STX10: variants seen among roughly 807,000 people sequenced by gnomAD.
The protein encoded by STX10 is syntaxin 10, also known as syntaxin-10.
STX10 carries 35 observed loss-of-function variants against 34.1 expected under a neutral mutation model. The observed-to-expected ratio is 1.03, with a 90% CI of 0.78 to 1.36. The LOEUF is 1.36. STX10 is among the 40% of genes most tolerant of loss of function. The probability of loss-of-function intolerance (pLI) is 0.00; values close to 1 mark genes in which losing one functional copy is unlikely to be tolerated. For missense variants in STX10, 361 were observed against 335.5 expected, an observed-to-expected ratio of 1.08 and a Z score of -0.59; for synonymous variants, 155 against 132.9, an observed-to-expected ratio of 1.17 and a Z score of -1.15.
In STX10 at chr19:13,149,764, T is replaced by C. The variant is rs771644647; in HGVS notation, c.169A>G (p.Ile57Val). 3 of 1,614,168 alleles carry C rather than the reference T, an allele frequency of 1.9e-6. No individual in the cohort carries two copies. In the Admixed American group the frequency reaches 5.0e-5, roughly 27 times the overall value. The change falls in exon 2 of 8, where the codon ATC (isoleucine) becomes GTC (valine). Residue 57 changes from isoleucine to valine, a missense_variant. Physicochemically the swap from Ile to Val is conservative, Grantham distance 29. Coordinates refer to ENST00000587230, the MANE Select transcript of STX10 (RefSeq NM_003765.3). ...TNELRNGLRSIEWDLEDLEET... is the reference protein window; with the variant it reads ...TNELRNGLRSVEWDLEDLEET... ...TCCAGGTCCTCGAGGTCCCACTCGA[T>C]GCTGCGCAGGCCATTCCGCAGCTCA...
Position 13,149,846 on chromosome 19 carries a change from G to C in STX10, c.87C>G (p.Cys29Trp). The change falls in exon 2 of 8, where the codon TGC becomes TGG. Residue 29 changes from cysteine to tryptophan, a missense_variant. Coordinates refer to ENST00000587230, the MANE Select transcript of STX10 (RefSeq NM_003765.3). The part of the protein sequence containing the change: ...NTARGLYQRW[C>W]ELLQESAAVG... ...CCGCCGCGCTTTCCTGCAGGAGCTC[G>C]CACCAGCGCTGGTACAGCCCGCGGG... 1 of 1,612,844 alleles carries C rather than the reference G, an allele frequency of 6.2e-7. No homozygotes were observed. The highest frequency in any genetic ancestry group is 8.5e-7 in the Non-Finnish European group (1 of 1,179,778).
At chr19:13,145,130 C>T (rs1462708976) in intron 5 of STX10, among the ~76,000 whole-genome samples, 158 bp downstream of exon 5, 7 of 151,988 alleles carry the variant, frequency 4.6e-5, no homozygotes, top group African/African-American at 9.7e-5. Context: ...ACCTGGGAGG[C>T]GGAGGTTGCA....
chr19:13,149,840 G>A lies in STX10; in HGVS notation c.93C>T (p.Leu31=), dbSNP rs1266923222. The A allele has an allele frequency of 6.2e-7, 1 of 1,613,266 alleles. No homozygotes were observed. The highest frequency in any genetic ancestry group is 8.5e-7 in the Non-Finnish European group (1 of 1,179,890). ...GTCCGACCGCCGCGCTTTCCTGCAG[G>A]AGCTCGCACCAGCGCTGGTACAGCC... ...ARGLYQRWCE[L]LQESAAVGRE... The change falls in exon 2 of 8, where the codon CTC becomes CTT. Residue 31 remains leucine (L), a synonymous_variant. Transcript: ENST00000587230.
rs1304333395 is a variant in STX10, at chr19:13,150,191, C to CA, written c.-19dup. 3 of 985,794 alleles carry CA rather than the reference C, an allele frequency of 3.0e-6. No individual in the cohort carries two copies. In the African/African-American group the frequency reaches 4.8e-5, roughly 16 times the overall value. 61.1% of individuals were successfully genotyped at this position (985,794 alleles called of 1,614,324 possible). A position where few individuals can be genotyped will look rare whatever the true frequency, so the allele number is the denominator to read the frequency against. ...AGAGACATGTCAGTCCCTTCCCCCC[C>CA]AGGCCGAACCCCCCTCCCGGCCTGG... is the stretch of plus-strand genomic sequence containing the variant. On this transcript the variant is annotated 5_prime_UTR_variant, in exon 1 of 8. Coordinates refer to ENST00000587230, the MANE Select transcript of STX10 (RefSeq NM_003765.3). This position sits in a 1 kb window ranked among gnomAD's most constrained non-coding sequence, Gnocchi z 4.0.
chr19:13,147,796 C>G (rs1288667615), intron 4 of STX10, among the ~76,000 whole-genome samples: 1 of 148,768 alleles, frequency 6.7e-6, no homozygotes, highest in Non-Finnish European at 1.5e-5. Flanking sequence ...ACTCGGGAGG[C>G]TGAGACAGAA....
Position 13,144,561 on chromosome 19 carries a change from C to T in STX10, c.673+16G>A. On this transcript the variant is annotated intron_variant, in intron 7 of 7. Transcript: ENST00000587230. ...CTGCCCCCACCAGGACTGACCCCTC[C>T]CCTGAGGGGACTCACCACTCGTCAT... 4 of 1,614,102 alleles carry T rather than the reference C, an allele frequency of 2.5e-6. No individual in the cohort carries two copies. In the South Asian group the frequency reaches 3.3e-5, roughly 13 times the overall value.
At position 13,150,199 on chromosome 19, in the gene STX10, A is replaced by C; in HGVS notation, c.-26T>G. The C allele has an allele frequency of 2.2e-6, 2 of 917,120 alleles. No individual in the cohort carries two copies. Among genetic ancestry groups the C allele is most frequent in the Admixed American group, 2.0e-5 (1 of 50,904 alleles). The allele number at this position is 917,120 out of a possible 1,614,324, so 56.8% of individuals were successfully genotyped here. A position where few individuals can be genotyped will look rare whatever the true frequency, so the allele number is the denominator to read the frequency against. On this transcript the variant is annotated 5_prime_UTR_variant, in exon 1 of 8. Transcript: ENST00000587230. This position sits in a 1 kb window ranked among gnomAD's most constrained non-coding sequence, Gnocchi z 4.0. ...GTCAGTCCCTTCCCCCCCAGGCCGA[A>C]CCCCCCTCCCGGCCTGGGTTCGCGG...
intron 3 of STX10, 56 bp downstream of exon 3, chr19:13,149,443 A>G (rs2019995670): frequency 7.1e-7 from 1 of 1,414,098 alleles, no homozygotes; most frequent in South Asian, 1.3e-5. Context: ...AGAAAGAAAG[A>G]AAAAAAAACA....
intron 3 of STX10, 34 bp from the exon 4 acceptor site, chr19:13,149,125 A>ACTC (rs1238929339): frequency 6.4e-7 from 1 of 1,564,756 alleles, no homozygotes; most frequent in East Asian, 2.4e-5. Context: ...GAGGAAAGAC[A>ACTC]CTCAGGCTGG....
Position 13,144,085 on chromosome 19 carries a change from T to G in STX10, c.*325A>C. 1 of 388,450 alleles carries G rather than the reference T, an allele frequency of 2.6e-6. No homozygotes were observed. The highest frequency in any genetic ancestry group is 4.6e-5 in the South Asian group (1 of 21,576). The allele number at this position is 388,450 out of a possible 1,614,324, so 24.1% of individuals were successfully genotyped here. A position where few individuals can be genotyped will look rare whatever the true frequency, so the allele number is the denominator to read the frequency against. On this transcript the variant is annotated 3_prime_UTR_variant, in exon 8 of 8. Coordinates refer to ENST00000587230, the MANE Select transcript of STX10 (RefSeq NM_003765.3). ...CGTATAAAAAAGGCTGACATTTTAT[T>G]TCCAGGTTGGCACGTGTATAAGGCA...
chr19:13,147,079 A>ACAC (rs2019915849), intron 4 of STX10, among the ~76,000 whole-genome samples: 5 of 145,142 alleles, frequency 3.4e-5, no homozygotes, highest in Non-Finnish European at 6.0e-5. Flanking sequence ...GAAACACAGA[A>ACAC]ACACACACAC....
At chr19:13,149,930 G>A (rs1307054663) in intron 1 of STX10, 33 bp from the exon 2 acceptor site, 3 of 1,533,250 alleles carry the variant, frequency 2.0e-6, no homozygotes, top group Non-Finnish European at 1.8e-6. Context: ...CGCGGCTGGG[G>A]GCAGGCGGTC....
At position 13,149,763 on chromosome 19, in the gene STX10, A is replaced by G. The variant is rs749847739; in HGVS notation, c.170T>C (p.Ile57Thr). Residue 57 changes from isoleucine (I) to threonine (T), a missense_variant, in exon 2 of 8, where the codon ATC becomes ACC. Physicochemically the swap from Ile to Thr is moderately conservative, Grantham distance 89 (BLOSUM62 -1). Transcript: ENST00000587230. ...TNELRNGLRS[I>T]EWDLEDLEET... is the part of the protein sequence containing the mutation. Reference sequence around the variant, plus strand: ...TTCCAGGTCCTCGAGGTCCCACTCGATGCTGCGCAGGCCATTCCGCAGCTC... The same window carrying G: ...TTCCAGGTCCTCGAGGTCCCACTCGGTGCTGCGCAGGCCATTCCGCAGCTC... 48 of 1,614,062 alleles carry G rather than the reference A, an allele frequency of 3.0e-5. No individual in the cohort carries two copies. Among genetic ancestry groups the G allele is most frequent in the Non-Finnish European group, 3.9e-5 (46 of 1,180,008 alleles).
At chr19:13,147,333 C>T (rs1243058597) in intron 4 of STX10, among the ~76,000 whole-genome samples, 1 of 151,842 alleles carries the variant, frequency 6.6e-6, no homozygotes, top group East Asian at 1.9e-4. Flanking sequence ...GGCATGGTGG[C>T]ACACTCCTGT....
At chr19:13,149,431 A>G in intron 3 of STX10, 68 bp downstream of exon 3, 2 of 1,251,590 alleles carry the variant, frequency 1.6e-6, no homozygotes, top group Non-Finnish European at 2.2e-6. Flanking sequence ...AAAAAAAAAG[A>G]AAGAAAGAAA....
intron 4 of STX10, among the ~76,000 whole-genome samples, chr19:13,147,351 G>T (rs2019924076): frequency 6.6e-6 from 1 of 151,952 alleles, no homozygotes; most frequent in East Asian, 1.9e-4. Flanking sequence ...TGTTGTCCCA[G>T]CTACCCAGGA....
At chr19:13,149,426 A>AAAAAGAAAG in intron 3 of STX10, 73 bp downstream of exon 3, 6 of 753,136 alleles carry the variant, frequency 8.0e-6, no homozygotes, top group South Asian at 5.6e-5. Context: ...AAAAAAAAAA[A>AAAAAGAAAG]AAAGAAAGAA....
In STX10 at chr19:13,149,552, C is replaced by A. The variant is rs772270590; in HGVS notation, c.247G>T (p.Gly83Trp). Residue 83 changes from glycine to tryptophan, a missense_variant, in exon 3 of 8, where the codon GGG becomes TGG. Transcript: ENST00000587230. ...ANPGKFKLPAGDLQERKVFVE... is the reference protein window; with the variant it reads ...ANPGKFKLPAWDLQERKVFVE... ...AACACCTTTCTCTCCTGCAGGTCCC[C>A]GGCTGGGAGCTTGAACTTGCCTGGG... 9 of 1,614,134 alleles carry A rather than the reference C, an allele frequency of 5.6e-6. No individual in the cohort carries two copies. Among genetic ancestry groups the A allele is most frequent in the African/African-American group, 1.3e-5 (1 of 75,020 alleles).
chr19:13,144,153 CAG>C lies in STX10; in HGVS notation c.*255_*256del. ...GGGGTCCTGGAACTGGAAATGGAGA[CAG>C]GTGTGTCTCAGGTGTCCCTGCCTCC... On this transcript the variant is annotated 3_prime_UTR_variant, in exon 8 of 8. Coordinates refer to ENST00000587230, the MANE Select transcript of STX10 (RefSeq NM_003765.3). 1.9e-6 allele frequency: 1 copy of C among 536,540 alleles called. No individual in the cohort carries two copies. 33.2% of individuals were successfully genotyped at this position (536,540 alleles called of 1,614,324 possible).
Sources: allele counts gnomAD v4.1 joint callset (sites outside exome capture counted in the v4.1 genomes callset), GRCh38; gene constraint gnomAD v4.1.1; non-coding constraint Gnocchi (gnomAD v3.1); transcripts MANE v1.5; gene names NCBI Gene and HGNC (gene_info 2026-07-23, HGNC 2026-07-21).